MCTP2: variants seen among roughly 807,000 people sequenced by gnomAD.
The protein encoded by MCTP2 is multiple C2 and transmembrane domain-containing protein 2.
A neutral mutation model predicts 111.6 loss-of-function variants in MCTP2; 132 were observed. The observed-to-expected ratio is 1.18, with a 90% CI of 1.03 to 1.37. The LOEUF is 1.37. Ranked by LOEUF, MCTP2 falls within the 40% of genes most tolerant of loss-of-function variation. The pLI is 0.00. For synonymous variants in MCTP2, 395 were observed against 387.7 expected (o/e 1.02, Z -0.22); for missense variants, 1,183 against 1,067.9 (o/e 1.11, Z -1.50).
intron 17 of MCTP2, chr15:94,402,638 G>A: frequency 3.2e-6 from 5 of 1,544,856 alleles, no homozygotes; most frequent in Non-Finnish European, 4.4e-6. Context: ...CAAGAATCTT[G>A]GAAGGACTTC....
rs146940094 is a variant in MCTP2 at position 94,403,764 on chromosome 15, G to T, written c.2085+1745G>T. On this transcript the variant is annotated intron_variant, in intron 17 of 22. Transcript: ENST00000357742. ...AGCTTCATGCCTCGGAGCAGAGCCC[G>T]CCCCCACGCTGGAGAATGCAGGCTG... Among the ~76,000 whole-genome samples, 1,394 of 152,258 alleles carry T rather than the reference G, an allele frequency of 9.2e-3. 15 individuals are homozygous for T. Among genetic ancestry groups the T allele is most frequent in the South Asian group, 0.013 (63 of 4,820 alleles).
Position 94,297,300 on chromosome 15 carries a change from C to T in MCTP2, c.-65-901C>T, listed in dbSNP as rs565753637. On this transcript the variant is annotated intron_variant, in intron 1 of 22. Coordinates refer to ENST00000357742, the MANE Select transcript of MCTP2 (RefSeq NM_001385001.1). ...CAGCATTTACCCTACTCTGTAATTA[C>T]GTATTTACTGTATGTGTGAAGCATC... 8.5e-5 allele frequency among the ~76,000 whole-genome samples: 13 copies of T among 152,286 alleles called. No homozygotes were observed. In the South Asian group the frequency reaches 2.1e-3, roughly 24 times the overall value.
chr15:94,270,619 C>T (rs887496420), intron 1 of MCTP2, among the ~76,000 whole-genome samples: 37 of 152,128 alleles, frequency 2.4e-4, no homozygotes, highest in Non-Finnish European at 7.4e-5. Context: ...CCCAGGTGGG[C>T]TGCCTACCCC....
At chr15:94,384,255 T>C (rs1051342700) in intron 13 of MCTP2, 131 bp downstream of exon 13, 8 of 577,378 alleles carry the variant, frequency 1.4e-5, no homozygotes, top group Non-Finnish European at 2.3e-5. Flanking sequence ...GAAAACCTTG[T>C]ATCCTTTCAT....
At chr15:94,428,365 CAAATT>C (rs2082993874) in intron 17 of MCTP2, among the ~76,000 whole-genome samples, 1 of 152,168 alleles carries the variant, frequency 6.6e-6, no homozygotes, top group South Asian at 2.1e-4. Context: ...TAAAGTCACT[CAAATT>C]ACTTTTCCTT....
chr15:94,434,143 C>T (rs1230467249), intron 17 of MCTP2, among the ~76,000 whole-genome samples: 1 of 151,600 alleles, frequency 6.6e-6, no homozygotes, highest in Non-Finnish European at 1.5e-5. Context: ...ACTCTGTCAC[C>T]CAGGCTGGAG....
chr15:94,455,705 G>A (rs1455824593), intron 19 of MCTP2, among the ~76,000 whole-genome samples: 2 of 152,042 alleles, frequency 1.3e-5, no homozygotes, highest in East Asian at 1.9e-4. Context: ...GCTTACAGGC[G>A]TGAGCCACCA....
At chr15:94,405,371 G>C (rs1442568708) in intron 17 of MCTP2, among the ~76,000 whole-genome samples, 1 of 152,180 alleles carries the variant, frequency 6.6e-6, no homozygotes, top group Non-Finnish European at 1.5e-5. Flanking sequence ...CTTTATGAAA[G>C]CAAACCATAC....
rs533799844 is a variant in MCTP2, at chr15:94,431,649, G to T, written c.2086-8527G>T. On this transcript the variant is annotated intron_variant, in intron 17 of 22. Coordinates refer to ENST00000357742, the MANE Select transcript of MCTP2 (RefSeq NM_001385001.1). ...CTTATTGATTTGTTACCTTAGAAAT[G>T]AATGTATACCTGGTCAAATTATAAT... Among the ~76,000 whole-genome samples, 28 of 152,250 alleles carry T rather than the reference G, an allele frequency of 1.8e-4. No homozygotes were observed. The South Asian group carries it at 5.6e-3, about 30-fold the overall frequency.
chr15:94,393,597 A>T (rs1217357365), intron 14 of MCTP2, among the ~76,000 whole-genome samples: 1 of 152,224 alleles, frequency 6.6e-6, no homozygotes, highest in Non-Finnish European at 1.5e-5. Context: ...AGATATCAGT[A>T]TGGCCAAAAC....
At chr15:94,354,123 A>G (rs577905499) in intron 8 of MCTP2, among the ~76,000 whole-genome samples, 40 of 152,246 alleles carry the variant, frequency 2.6e-4, no homozygotes, top group African/African-American at 9.6e-4. Flanking sequence ...CCATATATAT[A>G]TATGAAGTAA....
intron 1 of MCTP2, among the ~76,000 whole-genome samples, chr15:94,284,373 G>T (rs2074650461): frequency 6.6e-6 from 1 of 152,176 alleles, no homozygotes; most frequent in Non-Finnish European, 1.5e-5. Context: ...ACAAGTCTAA[G>T]TATCTTCTTT....
intron 17 of MCTP2, among the ~76,000 whole-genome samples, chr15:94,413,332 C>A (rs2082236812): frequency 2.6e-5 from 4 of 152,068 alleles, no homozygotes; most frequent in African/African-American, 9.7e-5. Flanking sequence ...TAATAATTTT[C>A]TTGAATATTC....
intron 17 of MCTP2, among the ~76,000 whole-genome samples, chr15:94,414,274 T>C (rs183186382): frequency 3.9e-5 from 6 of 152,250 alleles, no homozygotes; most frequent in African/African-American, 2.4e-5. Flanking sequence ...TTTTATGATA[T>C]AATAGAAGAG....
At chr15:94,398,459 AC>A (rs2081388906) in intron 14 of MCTP2, among the ~76,000 whole-genome samples, 1 of 152,206 alleles carries the variant, frequency 6.6e-6, no homozygotes, top group South Asian at 2.1e-4. Flanking sequence ...TAACATTGTT[AC>A]CTTGTGATTA....
chr15:94,287,147 G>C (rs750706645), intron 1 of MCTP2, among the ~76,000 whole-genome samples: 3 of 151,970 alleles, frequency 2.0e-5, no homozygotes, highest in Admixed American at 6.5e-5. Flanking sequence ...ATTTCTTTAA[G>C]TTTTGCTTTG....
chr15:94,329,560 C>T (rs2077041076), intron 4 of MCTP2, among the ~76,000 whole-genome samples: 1 of 152,152 alleles, frequency 6.6e-6, no homozygotes, highest in Non-Finnish European at 1.5e-5. Flanking sequence ...CACTTTTAAA[C>T]AATCGGATCT....
chr15:94,314,851 T>C, intron 3 of MCTP2: 1 of 446,890 alleles, frequency 2.2e-6, no homozygotes, highest in South Asian at 1.6e-5. Flanking sequence ...AGGAAGTGAC[T>C]GAGTTGCGGG....
intron 17 of MCTP2, among the ~76,000 whole-genome samples, chr15:94,411,642 T>C (rs2082156021): frequency 6.6e-6 from 1 of 152,226 alleles, no homozygotes; most frequent in Non-Finnish European, 1.5e-5. Context: ...AGGTGTGTTT[T>C]GTTACTGCTC....
Sources: gnomAD v4.1 joint callset for allele counts (sites outside exome capture counted in the v4.1 genomes callset) on GRCh38, gnomAD v4.1.1 for gene constraint, MANE v1.5 for transcripts, NCBI Gene and HGNC (gene_info 2026-07-23, HGNC 2026-07-21) for gene names.